SLC24A2: variants seen among roughly 807,000 people sequenced by gnomAD.
The protein encoded by SLC24A2 is sodium/potassium/calcium exchanger 2.
A neutral mutation model predicts 62.0 loss-of-function variants in SLC24A2; 36 were observed. The ratio of observed to expected loss-of-function variants is 0.58; its 90% confidence interval spans 0.44 to 0.77. The LOEUF (loss-of-function observed/expected upper bound fraction) is 0.77, where lower values mean the gene tolerates loss of function less well. SLC24A2 is among the 30% of genes least tolerant of loss of function. The pLI is 0.00. For synonymous variants in SLC24A2, 358 were observed against 294.0 expected, an observed-to-expected ratio of 1.22 and a Z score of -2.23; for missense variants, 846 against 817.9, an observed-to-expected ratio of 1.03 and a Z score of -0.42.
At chr9:19,571,211 AG>A (rs1346977018) in intron 7 of SLC24A2, among the ~76,000 whole-genome samples, 1 of 152,198 alleles carries the variant, frequency 6.6e-6, no homozygotes, top group Non-Finnish European at 1.5e-5. Flanking sequence ...CTGCTCTGCC[AG>A]CTCACTCTTG....
At chr9:19,903,389 A>C in the SLC24A2 span, among the ~76,000 whole-genome samples, 1 of 152,274 alleles carries the variant, frequency 6.6e-6, no homozygotes, top group South Asian at 2.1e-4. Context: ...CAATCCCATC[A>C]TGCGTGCTTC....
At chr9:20,125,550 T>C in the SLC24A2 span, among the ~76,000 whole-genome samples, 1 of 152,126 alleles carries the variant, frequency 6.6e-6, no homozygotes, top group East Asian at 1.9e-4. Context: ...CAGGGGAAGG[T>C]GATGCCAGTA....
the SLC24A2 span, among the ~76,000 whole-genome samples, chr9:19,975,900 T>TTGTTTGTTTG: frequency 6.6e-6 from 1 of 150,898 alleles, no homozygotes; most frequent in Non-Finnish European, 1.5e-5. Flanking sequence ...AAACATACGT[T>TTGTTTGTTTG]TTTGTTTGTT....
At chr9:20,305,977 C>A in the SLC24A2 span, among the ~76,000 whole-genome samples, 1 of 152,108 alleles carries the variant, frequency 6.6e-6, no homozygotes, top group African/African-American at 2.4e-5. Context: ...TGTCTGTGTC[C>A]TTTTTTTAAG....
chr9:19,907,782 T>G, the SLC24A2 span, among the ~76,000 whole-genome samples: 3 of 152,078 alleles, frequency 2.0e-5, no homozygotes, highest in Admixed American at 6.6e-5. Context: ...TACAAGGGAT[T>G]TGAAGGACCT....
chr9:19,560,931 AGAGAGAGAGAG>A (rs1835366067), intron 7 of SLC24A2, among the ~76,000 whole-genome samples: 1 of 147,984 alleles, frequency 6.8e-6, no homozygotes, highest in African/African-American at 2.5e-5. Flanking sequence ...AGAGAGAGAG[AGAGAGAGAGAG>A]AGAGACAGAG....
chr9:20,246,920 T>C, the SLC24A2 span, among the ~76,000 whole-genome samples: 1 of 152,250 alleles, frequency 6.6e-6, no homozygotes, highest in Non-Finnish European at 1.5e-5. Context: ...TGAGATTTGT[T>C]CTACCTTAAC....
intron 4 of SLC24A2, among the ~76,000 whole-genome samples, chr9:19,600,658 C>G (rs1361757128): frequency 6.6e-6 from 1 of 152,118 alleles, no homozygotes; most frequent in Non-Finnish European, 1.5e-5. Flanking sequence ...AAATTTGCCA[C>G]TTCATTTTCA....
At chr9:19,574,326 T>C (rs1184913160) in intron 6 of SLC24A2, among the ~76,000 whole-genome samples, 1 of 152,062 alleles carries the variant, frequency 6.6e-6, no homozygotes, top group African/African-American at 2.4e-5. Context: ...AGCCAGAGGG[T>C]CAGCAAGTGC....
chr9:19,847,280 T>C, the SLC24A2 span, among the ~76,000 whole-genome samples: 4 of 152,226 alleles, frequency 2.6e-5, no homozygotes, highest in African/African-American at 9.6e-5. Context: ...TAAATAGCCC[T>C]GAGGGAAGTT....
At chr9:19,978,804 G>T in the SLC24A2 span, among the ~76,000 whole-genome samples, 1 of 151,946 alleles carries the variant, frequency 6.6e-6, no homozygotes, top group African/African-American at 2.4e-5. Flanking sequence ...CTGGGTGGGA[G>T]GACAAGAAAG....
rs552509559 is a variant in SLC24A2 at position 19,670,210 on chromosome 9, G to C, written c.931-47911C>G. 5.3e-5 allele frequency among the ~76,000 whole-genome samples: 8 copies of C among 152,216 alleles called. No homozygotes were observed. In the South Asian group the frequency reaches 1.0e-3, roughly 20 times the overall value. On this transcript the variant is annotated intron_variant, in intron 2 of 10. Coordinates refer to ENST00000341998, the MANE Select transcript of SLC24A2 (RefSeq NM_020344.4). ...CCCCTTTTCAATTGTAGCTGTAGGT[G>C]GTAAGTACAAGTAAGAATGAAGGTC...
chr9:19,750,485 C>A (rs1778599673), intron 2 of SLC24A2, among the ~76,000 whole-genome samples: 1 of 152,066 alleles, frequency 6.6e-6, no homozygotes, highest in South Asian at 2.1e-4. Context: ...TGCAACTAAT[C>A]AAATGCCAAT....
the SLC24A2 span, among the ~76,000 whole-genome samples, chr9:19,849,058 C>G: frequency 6.6e-6 from 1 of 152,182 alleles, no homozygotes; most frequent in Non-Finnish European, 1.5e-5. Flanking sequence ...GGAAGTGGCA[C>G]AAGCGAGAAA....
chr9:20,145,897 TTATAA>T, the SLC24A2 span, among the ~76,000 whole-genome samples: 2 of 151,006 alleles, frequency 1.3e-5, no homozygotes, highest in African/African-American at 4.9e-5. Flanking sequence ...AAATTTGTTT[TTATAA>T]TATAATTTGG....
chr9:20,109,828 A>T, the SLC24A2 span, among the ~76,000 whole-genome samples: 2 of 152,084 alleles, frequency 1.3e-5, no homozygotes, highest in African/African-American at 2.4e-5. Flanking sequence ...CCCAACACAC[A>T]AGGAGAGCAC....
chr9:20,282,252 T>G, the SLC24A2 span, among the ~76,000 whole-genome samples: 3 of 152,118 alleles, frequency 2.0e-5, no homozygotes, highest in East Asian at 5.8e-4. Context: ...CCAAGAAACC[T>G]TTTCCCAGAA....
At chr9:20,209,248 G>A in the SLC24A2 span, among the ~76,000 whole-genome samples, 1 of 152,316 alleles carries the variant, frequency 6.6e-6, no homozygotes. Context: ...ATTCCCATAT[G>A]TAACTACTTG....
At position 19,787,005 on chromosome 9, in the gene SLC24A2, C is replaced by A; in HGVS notation, c.-139G>T. On this transcript the variant is annotated 5_prime_UTR_variant, in exon 2 of 11. Transcript: ENST00000341998. The stretch of plus-strand genomic sequence containing the variant: ...AGGGATTGTTATGCTTCACAGGAAA[C>A]TTTCATCATTTATGCTTAAATAAAA... 7.0e-7 allele frequency: 1 copy of A among 1,420,126 alleles called. No individual in the cohort carries two copies. The allele number at this position is 1,420,126 out of a possible 1,614,324, so 88.0% of individuals were successfully genotyped here.
Sources: gnomAD v4.1 joint callset for allele counts (sites outside exome capture counted in the v4.1 genomes callset) on GRCh38, gnomAD v4.1.1 for gene constraint, MANE v1.5 for transcripts, NCBI Gene and HGNC (gene_info 2026-07-23, HGNC 2026-07-21) for gene names.